MAPK10: variants seen among roughly 807,000 people sequenced by gnomAD.
MAPK10 encodes the protein mitogen-activated protein kinase 10.
A neutral mutation model predicts 59.3 loss-of-function variants in MAPK10; 25 were observed. The observed-to-expected ratio is 0.42, with a 90% CI of 0.31 to 0.59. The LOEUF (loss-of-function observed/expected upper bound fraction) is 0.59, where lower values mean the gene tolerates loss of function less well. MAPK10 is among the 20% of genes least tolerant of loss of function. MAPK10 has a pLI of 0.15. For synonymous variants in MAPK10, 190 were observed against 200.5 expected (o/e 0.95, Z 0.44); for missense variants, 351 against 568.9 (o/e 0.62, Z 3.90).
intron 1 of MAPK10, among the ~76,000 whole-genome samples, chr4:86,497,133 T>A (rs926102333): frequency 1.3e-5 from 2 of 152,200 alleles, no homozygotes. Flanking sequence ...TTACAAAGTT[T>A]AGTTATATTT....
chr4:86,221,964 C>A (rs186607778), intron 2 of MAPK10, among the ~76,000 whole-genome samples: 1 of 152,018 alleles, frequency 6.6e-6, no homozygotes, highest in South Asian at 2.1e-4. Flanking sequence ...GTACATAGAA[C>A]CTCCCCCTCT....
intron 3 of MAPK10, among the ~76,000 whole-genome samples, chr4:86,190,861 C>T (rs983377323): frequency 1.3e-5 from 2 of 151,886 alleles, no homozygotes; most frequent in African/African-American, 2.4e-5. Context: ...AGATCTTTTT[C>T]ACTTTCTCCT....
intron 2 of MAPK10, among the ~76,000 whole-genome samples, chr4:86,311,035 TACACACACACAC>T (rs143712904): frequency 3.5e-5 from 5 of 141,882 alleles, no homozygotes; most frequent in Non-Finnish European, 6.2e-5. Flanking sequence ...AGTTTTAAGT[TACACACACACAC>T]ACACACACAC....
At chr4:86,049,754 C>T (rs2043174148) in intron 11 of MAPK10, among the ~76,000 whole-genome samples, 1 of 152,098 alleles carries the variant, frequency 6.6e-6, no homozygotes, top group Non-Finnish European at 1.5e-5. Flanking sequence ...CTTTCTTCAT[C>T]TCCATTGCCA....
chr4:86,569,482 A>T (rs1054229176), intron 1 of MAPK10, among the ~76,000 whole-genome samples: 2 of 152,144 alleles, frequency 1.3e-5, no homozygotes, highest in East Asian at 1.9e-4. Flanking sequence ...TCGTATTTTT[A>T]AAAAAAGACA....
intron 2 of MAPK10, among the ~76,000 whole-genome samples, chr4:86,313,857 T>C (rs1275255855): frequency 6.6e-6 from 1 of 152,072 alleles, no homozygotes; most frequent in African/African-American, 2.4e-5. Flanking sequence ...CCACCCCAGA[T>C]GCATACACAA....
intron 1 of MAPK10, among the ~76,000 whole-genome samples, chr4:86,391,473 A>AATTCTAAGC (rs1342644402): frequency 6.6e-6 from 1 of 152,204 alleles, no homozygotes. Context: ...TAGAACCATC[A>AATTCTAAGC]ATTCTAAGCA....
chr4:86,441,195 A>G (rs574837751), intron 1 of MAPK10, among the ~76,000 whole-genome samples: 1 of 152,226 alleles, frequency 6.6e-6, no homozygotes, highest in Non-Finnish European at 1.5e-5. Flanking sequence ...GTTTGCATGT[A>G]TATAATGTGT....
intron 1 of MAPK10, among the ~76,000 whole-genome samples, chr4:86,428,569 TAGATAGATAGACAGATAGAC>T (rs1220377188): frequency 6.6e-6 from 1 of 152,144 alleles, no homozygotes; most frequent in Non-Finnish European, 1.5e-5. Flanking sequence ...GATAGATAGA[TAGATAGATAGACAGATAGAC>T]AGATAGATAG....
intron 2 of MAPK10, among the ~76,000 whole-genome samples, chr4:86,225,279 C>T (rs12498902): frequency 0.085 from 12,941 of 152,172 alleles, 1,224 homozygotes; most frequent in African/African-American, 0.23. Flanking sequence ...TGCTGAATAC[C>T]TGCTTTCCTC....
intron 11 of MAPK10, among the ~76,000 whole-genome samples, chr4:86,059,340 T>C (rs1053946481): frequency 6.6e-6 from 1 of 152,156 alleles, no homozygotes; most frequent in Admixed American, 6.6e-5. Flanking sequence ...TAGGCAAAAA[T>C]AACATAATCC....
chr4:86,308,297 T>C (rs1163233916), intron 2 of MAPK10, among the ~76,000 whole-genome samples: 1 of 152,070 alleles, frequency 6.6e-6, no homozygotes, highest in Non-Finnish European at 1.5e-5. Context: ...TAAGAAAGAG[T>C]TTCTTATCTA....
chr4:86,027,756 C>A (rs1578758497), intron 13 of MAPK10: 1 of 152,326 alleles, frequency 6.6e-6, no homozygotes, highest in African/African-American at 2.4e-5. Context: ...AAGATAAATG[C>A]ATACAGTCTT....
At chr4:86,298,543 G>C (rs1417817298) in intron 2 of MAPK10, among the ~76,000 whole-genome samples, 1 of 152,176 alleles carries the variant, frequency 6.6e-6, no homozygotes, top group Non-Finnish European at 1.5e-5. Flanking sequence ...ACAAGCACTT[G>C]AACTAACAAC....
At chr4:86,469,210 T>G (rs1651555530) in intron 1 of MAPK10, among the ~76,000 whole-genome samples, 2 of 152,068 alleles carry the variant, frequency 1.3e-5, no homozygotes, top group African/African-American at 2.4e-5. Flanking sequence ...ATCGCACCAC[T>G]GCACTCCAGC....
intron 1 of MAPK10, among the ~76,000 whole-genome samples, chr4:86,397,198 G>GAATCAA: frequency 6.6e-6 from 1 of 152,178 alleles, no homozygotes; most frequent in Non-Finnish European, 1.5e-5. Context: ...TGATTCCTCA[G>GAATCAA]TGAGAAGAAA....
chr4:86,502,478 T>G (rs1249831795), intron 1 of MAPK10, among the ~76,000 whole-genome samples: 1 of 152,064 alleles, frequency 6.6e-6, no homozygotes, highest in African/African-American at 2.4e-5. Context: ...TACATTTCTC[T>G]TGACCATTCC....
intron 3 of MAPK10, among the ~76,000 whole-genome samples, chr4:86,172,881 A>C (rs370909077): frequency 2.0e-5 from 3 of 152,102 alleles, no homozygotes; most frequent in African/African-American, 7.2e-5. Flanking sequence ...TACAAAGAGA[A>C]TAAAATGCCT....
chr4:86,578,858 G>A (rs565203697), intron 1 of MAPK10, among the ~76,000 whole-genome samples: 4 of 152,134 alleles, frequency 2.6e-5, no homozygotes, highest in South Asian at 2.1e-4. Context: ...AGAAAATCTT[G>A]AAGATTTTCT....
Sources: gnomAD v4.1 joint callset for allele counts (sites outside exome capture counted in the v4.1 genomes callset) on GRCh38, gnomAD v4.1.1 for gene constraint, MANE v1.5 for transcripts, NCBI Gene and HGNC (gene_info 2026-07-23, HGNC 2026-07-21) for gene names.